ATP9B: variants seen among roughly 807,000 people sequenced by gnomAD.
The protein encoded by ATP9B is ATPase phospholipid transporting 9B.
In ATP9B, 110 loss-of-function variants were observed where a neutral mutation model predicts 146.1. The ratio of observed to expected loss-of-function variants is 0.75; its 90% CI spans 0.65 to 0.88. ATP9B has a LOEUF of 0.88. Ranked by LOEUF, ATP9B falls within the 40% of genes least tolerant of loss-of-function variation. The pLI, the probability that ATP9B is intolerant of heterozygous loss-of-function variation, is 0.00. For missense variants in ATP9B, 1,499 were observed against 1,496.4 expected, an observed-to-expected ratio of 1.00 and a Z score of -0.03; for synonymous variants, 604 against 569.7, an observed-to-expected ratio of 1.06 and a Z score of -0.86.
chr18:79,200,844 T>C (rs2095479572), intron 9 of ATP9B, among the ~76,000 whole-genome samples: 1 of 3,908 alleles, frequency 2.6e-4, no homozygotes, highest in African/African-American at 1.3e-3. Flanking sequence ...CAGGCCACAA[T>C]GCTCAGTTGC....
intron 10 of ATP9B, among the ~76,000 whole-genome samples, chr18:79,209,188 T>C (rs1653839010): frequency 6.6e-6 from 1 of 152,208 alleles, no homozygotes; most frequent in South Asian, 2.1e-4. Flanking sequence ...TGAAAGCCAG[T>C]GTCCTTGAGT....
chr18:79,163,869 TACACACACACAC>T (rs56408063), intron 7 of ATP9B, among the ~76,000 whole-genome samples: 25 of 142,680 alleles, frequency 1.8e-4, no homozygotes, highest in Middle Eastern at 3.3e-3. Flanking sequence ...TTTTATTTTA[TACACACACACAC>T]ACACACACAC....
intron 1 of ATP9B, among the ~76,000 whole-genome samples, chr18:79,072,040 A>C (rs1003561629): frequency 1.3e-5 from 2 of 151,250 alleles, no homozygotes; most frequent in African/African-American, 4.9e-5. Context: ...GTTGGATCTT[A>C]TGTTGGTGTT....
intron 1 of ATP9B, among the ~76,000 whole-genome samples, chr18:79,093,728 A>ACC (rs1274396607): frequency 1.8e-4 from 27 of 152,122 alleles, no homozygotes; most frequent in South Asian, 1.7e-3. Flanking sequence ...GTGTGCACAC[A>ACC]CCCCCTCCCC....
chr18:79,088,569 C>G (rs1421145175), intron 1 of ATP9B, among the ~76,000 whole-genome samples: 1 of 152,098 alleles, frequency 6.6e-6, no homozygotes, highest in African/African-American at 2.4e-5. Context: ...AAAAGATTAT[C>G]TGGAGACACT....
At chr18:79,199,970 TAA>T (rs1297058649) in intron 9 of ATP9B, among the ~76,000 whole-genome samples, 1 of 152,180 alleles carries the variant, frequency 6.6e-6, no homozygotes, top group African/African-American at 2.4e-5. Context: ...GTTTTACAAT[TAA>T]GTTTGTCTTT....
At chr18:79,226,633 C>T (rs995674367) in intron 11 of ATP9B, among the ~76,000 whole-genome samples, 9 of 152,348 alleles carry the variant, frequency 5.9e-5, no homozygotes, top group African/African-American at 1.7e-4. Flanking sequence ...GGAGCTGTGC[C>T]TTCCCCCTTC....
intron 12 of ATP9B, 152 bp downstream of exon 12, chr18:79,253,693 G>A (rs2096052551): frequency 3.6e-6 from 3 of 837,908 alleles, no homozygotes; most frequent in Non-Finnish European, 5.2e-6. Flanking sequence ...TTCTTCTGTG[G>A]AAATGTTGTT....
intron 12 of ATP9B, among the ~76,000 whole-genome samples, chr18:79,264,267 T>C (rs552425088): frequency 2.9e-4 from 44 of 152,324 alleles, no homozygotes; most frequent in African/African-American, 1.1e-3. Context: ...GGCTTCTCAT[T>C]GCAGTTTTAA....
At chr18:79,296,821 G>A (rs1017104053) in intron 13 of ATP9B, among the ~76,000 whole-genome samples, 11 of 152,202 alleles carry the variant, frequency 7.2e-5, no homozygotes, top group Admixed American at 5.2e-4. Context: ...TGCCTTCCTG[G>A]AGATTCCACT....
At chr18:79,288,637 G>GTTA (rs1181762999) in intron 13 of ATP9B, among the ~76,000 whole-genome samples, 1 of 152,148 alleles carries the variant, frequency 6.6e-6, no homozygotes, top group Non-Finnish European at 1.5e-5. Flanking sequence ...ATTGTTATGT[G>GTTA]TGAATTTGAT....
At chr18:79,201,084 C>A (rs1353678203) in intron 9 of ATP9B, among the ~76,000 whole-genome samples, 1 of 152,160 alleles carries the variant, frequency 6.6e-6, no homozygotes, top group Non-Finnish European at 1.5e-5. Context: ...AAGAGAGAAA[C>A]TTATTTGTGG....
At chr18:79,303,570 A>G (rs1264272748) in intron 13 of ATP9B, 34 bp from the exon 14 acceptor site, 2 of 1,574,132 alleles carry the variant, frequency 1.3e-6, no homozygotes, top group Admixed American at 1.7e-5. Context: ...GGCCTCCTGC[A>G]TTAATGTGTT....
rs138168027 is a variant in ATP9B at position 79,348,056 on chromosome 18, G to C, written c.2839-76G>C. Reference sequence around the variant, plus strand: ...ACCTGGGCTGTGCTTAGGAGTTAGCGAGGCCCCTGAGAGGCTTGGGGCCAC... The same window carrying C: ...ACCTGGGCTGTGCTTAGGAGTTAGCCAGGCCCCTGAGAGGCTTGGGGCCAC... On this transcript the variant is annotated intron_variant, in intron 24 of 29. Coordinates refer to ENST00000426216, the MANE Select transcript of ATP9B (RefSeq NM_198531.5). The C allele has an allele frequency of 7.7e-5, 123 of 1,603,030 alleles. No individual in the cohort carries two copies. The East Asian group carries it at 2.6e-3, about 33-fold the overall frequency.
At chr18:79,205,564 C>T (rs907603156) in intron 9 of ATP9B, among the ~76,000 whole-genome samples, 1 of 151,418 alleles carries the variant, frequency 6.6e-6, no homozygotes, top group Non-Finnish European at 1.5e-5. Context: ...CATTATTTTA[C>T]GGGAGACGCC....
intron 11 of ATP9B, among the ~76,000 whole-genome samples, chr18:79,222,005 T>C (rs915945504): frequency 6.6e-6 from 1 of 151,720 alleles, no homozygotes; most frequent in East Asian, 1.9e-4. Flanking sequence ...ATAACTCATA[T>C]CCCTAGACCC....
chr18:79,299,256 C>T (rs969515995), intron 13 of ATP9B, among the ~76,000 whole-genome samples: 1 of 152,054 alleles, frequency 6.6e-6, no homozygotes, highest in African/African-American at 2.4e-5. Flanking sequence ...AGGCTCTCTG[C>T]TTCACTGTGC....
At chr18:79,230,091 A>G (rs894088347) in intron 11 of ATP9B, among the ~76,000 whole-genome samples, 1 of 152,176 alleles carries the variant, frequency 6.6e-6, no homozygotes, top group African/African-American at 2.4e-5. Flanking sequence ...TAGTTTAATT[A>G]TTTTCCCCCT....
intron 7 of ATP9B, among the ~76,000 whole-genome samples, chr18:79,157,115 C>T (rs2094795595): frequency 6.6e-6 from 1 of 151,958 alleles, no homozygotes; most frequent in African/African-American, 2.4e-5. Context: ...AGTCCCAGCA[C>T]TTTGGGAGGC....
Sources: allele counts gnomAD v4.1 joint callset (sites outside exome capture counted in the v4.1 genomes callset), GRCh38; gene constraint gnomAD v4.1.1; transcripts MANE v1.5; gene names NCBI Gene and HGNC (gene_info 2026-07-23, HGNC 2026-07-21).